TLL1: variants seen among roughly 807,000 people sequenced by gnomAD.
The protein encoded by TLL1 is tolloid-like protein 1.
TLL1 carries 49 observed loss-of-function variants against 128.2 expected under a neutral mutation model. The ratio of observed to expected loss-of-function variants is 0.38; its 90% CI spans 0.30 to 0.48. The LOEUF is 0.48. Ranked by LOEUF, TLL1 falls within the 20% of genes least tolerant of loss-of-function variation. The pLI is 0.96. For missense variants in TLL1, 1,123 were observed against 1,242.0 expected, an observed-to-expected ratio of 0.90 and a Z score of 1.44; for synonymous variants, 454 against 418.8, an observed-to-expected ratio of 1.08 and a Z score of -1.03.
chr4:165,954,140 G>T (rs1203477638), intron 1 of TLL1, among the ~76,000 whole-genome samples: 2 of 151,910 alleles, frequency 1.3e-5, no homozygotes, highest in Non-Finnish European at 2.9e-5. Flanking sequence ...TCACTAACTG[G>T]CTGGATATCA....
At chr4:166,083,053 A>G (rs1296436839) in intron 18 of TLL1, among the ~76,000 whole-genome samples, 1 of 152,136 alleles carries the variant, frequency 6.6e-6, no homozygotes, top group East Asian at 1.9e-4. Context: ...AAATATTTTA[A>G]TCTTCTTAGG....
chr4:165,973,969 G>A (rs935227988), intron 1 of TLL1, among the ~76,000 whole-genome samples: 4 of 150,702 alleles, frequency 2.7e-5, no homozygotes, highest in South Asian at 2.1e-4. Flanking sequence ...CCCAACCAGC[G>A]TTAGTTCTTA....
intron 1 of TLL1, among the ~76,000 whole-genome samples, chr4:165,909,834 C>G (rs1307269526): frequency 1.3e-5 from 2 of 152,138 alleles, no homozygotes; most frequent in African/African-American, 4.8e-5. Context: ...TCATTACCCT[C>G]ATTTTTAACA....
intron 1 of TLL1, among the ~76,000 whole-genome samples, chr4:165,947,916 A>G (rs1247549033): frequency 6.6e-6 from 1 of 152,162 alleles, no homozygotes; most frequent in Non-Finnish European, 1.5e-5. Flanking sequence ...AGAGGCTATA[A>G]AACGAAATAA....
intron 1 of TLL1, among the ~76,000 whole-genome samples, chr4:165,911,254 T>C (rs1308287487): frequency 6.6e-6 from 1 of 152,146 alleles, no homozygotes. Flanking sequence ...AAGATCAACT[T>C]TTTTTTAGCT....
At chr4:166,033,079 A>T (rs1174966407) in intron 9 of TLL1, among the ~76,000 whole-genome samples, 4 of 152,168 alleles carry the variant, frequency 2.6e-5, no homozygotes, top group Non-Finnish European at 5.9e-5. Context: ...ATAGAATTGA[A>T]TGTTAATATC....
At chr4:165,883,665 A>C (rs1731054137) in intron 1 of TLL1, among the ~76,000 whole-genome samples, 1 of 152,224 alleles carries the variant, frequency 6.6e-6, no homozygotes, top group African/African-American at 2.4e-5. Flanking sequence ...TTTAATCACA[A>C]CTACTTATTT....
chr4:165,967,564 A>G (rs1223613699), intron 1 of TLL1, among the ~76,000 whole-genome samples: 1 of 152,212 alleles, frequency 6.6e-6, no homozygotes, highest in Non-Finnish European at 1.5e-5. Context: ...TGCCCACAAC[A>G]AAGATGGAAA....
At chr4:165,887,832 T>C (rs1414654320) in intron 1 of TLL1, among the ~76,000 whole-genome samples, 1 of 152,204 alleles carries the variant, frequency 6.6e-6, no homozygotes, top group African/African-American at 2.4e-5. Flanking sequence ...CCTTAAATAC[T>C]GTTTAATATT....
chr4:166,025,372 A>G lies in TLL1; in HGVS notation c.1099A>G (p.Asn367Asp), dbSNP rs1451790619. The change falls in exon 9 of 21, where the codon AAT becomes GAT. Residue 367 changes from asparagine (N) to aspartate (D), a missense_variant. Physicochemically the swap from Asn to Asp is conservative, Grantham distance 23. Around this residue, in one of 3 missense-constraint regions of TLL1, gnomAD observed 480 missense variants for 542.4 expected, o/e 0.89. Transcript: ENST00000061240. The part of the protein sequence containing the change: ...NGNLSSPGFP[N>D]GYPSYTHCIW... ...CAACCTTTCCTCTCCAGGATTTCCC[A>G]ATGGCTACCCTTCTTACACACACTG... The G allele has an allele frequency of 6.2e-7, 1 of 1,613,952 alleles. No individual in the cohort carries two copies. The highest frequency in any genetic ancestry group is 2.2e-5 in the East Asian group (1 of 44,836).
At chr4:165,952,543 C>T (rs1455131137) in intron 1 of TLL1, among the ~76,000 whole-genome samples, 1 of 151,952 alleles carries the variant, frequency 6.6e-6, no homozygotes, top group Non-Finnish European at 1.5e-5. Context: ...TAATAATTTC[C>T]CTTGCATCTC....
rs147233391 is a variant in TLL1 at position 166,101,527 on chromosome 4, A to G, written c.*651A>G. 83 of 152,470 alleles carry G rather than the reference A, an allele frequency of 5.4e-4. 1 individual carries two copies. In the East Asian group the frequency reaches 0.015, roughly 27 times the overall value. 9.4% of individuals were successfully genotyped at this position (152,470 alleles called of 1,614,324 possible). On this transcript the variant is annotated 3_prime_UTR_variant, in exon 21 of 21. Transcript: ENST00000061240. ...GTGTACTTACATTTAGATGAGTTTG[A>G]AATCTCAATGGTGTCTAATTATTGC...
At chr4:165,968,722 A>G (rs1158169970) in intron 1 of TLL1, among the ~76,000 whole-genome samples, 1 of 152,186 alleles carries the variant, frequency 6.6e-6, no homozygotes, top group Non-Finnish European at 1.5e-5. Flanking sequence ...TATTTCAGTC[A>G]TAATGTTTTC....
At chr4:165,986,452 A>G (rs541554052) in intron 1 of TLL1, among the ~76,000 whole-genome samples, 1 of 152,128 alleles carries the variant, frequency 6.6e-6, no homozygotes, top group East Asian at 1.9e-4. Context: ...TGAGAATATC[A>G]AGATTTAAAG....
chr4:166,028,912 G>C (rs1738626990), intron 9 of TLL1, among the ~76,000 whole-genome samples: 1 of 151,832 alleles, frequency 6.6e-6, no homozygotes, highest in Admixed American at 6.6e-5. Context: ...TTAATCAGTG[G>C]ATGGCAGGTT....
chr4:165,926,402 C>T (rs918200025), intron 1 of TLL1, among the ~76,000 whole-genome samples: 1 of 152,042 alleles, frequency 6.6e-6, no homozygotes, highest in African/African-American at 2.4e-5. Flanking sequence ...AAAATTTGCA[C>T]GAGAACTGGA....
chr4:166,057,106 G>A, intron 13 of TLL1, 78 bp from the exon 14 acceptor site: 1 of 1,550,866 alleles, frequency 6.4e-7, no homozygotes, highest in Non-Finnish European at 8.9e-7. Flanking sequence ...GATTTGGGTG[G>A]GGACACAGCC....
intron 1 of TLL1, among the ~76,000 whole-genome samples, chr4:165,952,740 C>A (rs1734584770): frequency 6.6e-6 from 1 of 151,980 alleles, no homozygotes; most frequent in African/African-American, 2.4e-5. Context: ...CCAAAATATT[C>A]ATTCATTATA....
At chr4:166,011,400 G>T (rs565154812) in intron 7 of TLL1, among the ~76,000 whole-genome samples, 7 of 151,388 alleles carry the variant, frequency 4.6e-5, no homozygotes, top group Admixed American at 2.0e-4. Flanking sequence ...TTATGCTGTT[G>T]TGAATGGAAT....
Sources: gnomAD v4.1 joint callset for allele counts (sites outside exome capture counted in the v4.1 genomes callset) on GRCh38, gnomAD v4.1.1 for gene constraint, gnomAD v4.1.1 regional missense constraint, MANE v1.5 for transcripts, NCBI Gene and HGNC (gene_info 2026-07-23, HGNC 2026-07-21) for gene names.